Variants in ERN1 observed in about 807,000 individuals in gnomAD.
The protein encoded by ERN1 is endoplasmic reticulum to nucleus signaling 1.
A neutral mutation model predicts 113.1 loss-of-function variants in ERN1; 39 were observed. That is an observed-to-expected ratio of 0.34 (90% CI 0.27 to 0.45). The LOEUF (loss-of-function observed/expected upper bound fraction) is 0.45, where lower values mean the gene tolerates loss of function less well. Ranked by LOEUF, ERN1 falls within the 20% of genes least tolerant of loss-of-function variation. The pLI, the probability that ERN1 is intolerant of heterozygous loss-of-function variation, is 1.00. For missense variants in ERN1, 976 were observed against 1,274.8 expected, an observed-to-expected ratio of 0.77 and a Z score of 3.57; for synonymous variants, 507 against 515.9, an observed-to-expected ratio of 0.98 and a Z score of 0.23.
At chr17:64,082,057 G>T (rs1292114795) in intron 2 of ERN1, among the ~76,000 whole-genome samples, 1 of 152,166 alleles carries the variant, frequency 6.6e-6, no homozygotes, top group Non-Finnish European at 1.5e-5. Flanking sequence ...GACTCTGTAG[G>T]CTCTGCTTAT....
rs761461668 is a variant in ERN1, at chr17:64,057,861, T to C, written c.1339A>G (p.Ile447Val). The part of the protein sequence containing the change: ...VDSMLKDMAT[I>V]ILSTFLLIGW... ...ATCAGCAGGAAGGTGCTCAGGATGATGGTAGCCATGTCCTTAAGCATGGAG... is the reference window on the plus strand; with the variant it reads ...ATCAGCAGGAAGGTGCTCAGGATGACGGTAGCCATGTCCTTAAGCATGGAG... Residue 447 changes from isoleucine (I) to valine (V), a missense_variant, in exon 12 of 22, where the codon ATC becomes GTC. Physicochemically the swap from Ile to Val is conservative, Grantham distance 29 (BLOSUM62 3). Coordinates refer to ENST00000433197, the MANE Select transcript of ERN1 (RefSeq NM_001433.5). 9.9e-6 allele frequency: 16 copies of C among 1,613,756 alleles called. 1 individual carries two copies. The Admixed American group carries it at 1.2e-4, about 12-fold the overall frequency.
chr17:64,051,337 T>C (rs1319968796), intron 17 of ERN1, among the ~76,000 whole-genome samples: 2 of 152,162 alleles, frequency 1.3e-5, no homozygotes, highest in Non-Finnish European at 2.9e-5. Context: ...TGTGCTGAAG[T>C]ATCACCCCAA....
At chr17:64,068,673 TG>T (rs1389238155) in intron 6 of ERN1, among the ~76,000 whole-genome samples, 4 of 152,128 alleles carry the variant, frequency 2.6e-5, no homozygotes, top group African/African-American at 9.7e-5. Flanking sequence ...CTAAAACATG[TG>T]GCATTGACTT....
chr17:64,124,973 T>TG (rs1220904795), intron 1 of ERN1, among the ~76,000 whole-genome samples: 1 of 152,114 alleles, frequency 6.6e-6, no homozygotes, highest in Non-Finnish European at 1.5e-5. Context: ...CTAGGAGGTT[T>TG]GGGGGGAAAC....
intron 4 of ERN1, among the ~76,000 whole-genome samples, chr17:64,076,742 G>T (rs1470435595): frequency 1.3e-5 from 2 of 152,148 alleles, no homozygotes; most frequent in East Asian, 3.9e-4. Context: ...TGGGACTACA[G>T]GCGCCCGCCA....
intron 2 of ERN1, among the ~76,000 whole-genome samples, chr17:64,088,351 T>C (rs796177572): frequency 3.3e-5 from 5 of 152,264 alleles, no homozygotes; most frequent in African/African-American, 1.2e-4. Flanking sequence ...AACTAAGATA[T>C]TACCACACAG....
At chr17:64,053,865 T>C (rs556924580) in intron 15 of ERN1, 1 of 171,134 alleles carries the variant, frequency 5.8e-6, no homozygotes, top group East Asian at 1.7e-4. Flanking sequence ...ACATTTTGAC[T>C]GTGTATGTGG....
chr17:64,045,284 A>T (rs993864111), intron 20 of ERN1, 75 bp downstream of exon 20: 49 of 1,588,404 alleles, frequency 3.1e-5, no homozygotes, highest in Non-Finnish European at 4.2e-5. Context: ...TGGAGCGGCC[A>T]TTTCCACGTT....
intron 2 of ERN1, among the ~76,000 whole-genome samples, chr17:64,083,518 C>A (rs1259188914): frequency 6.6e-6 from 1 of 152,068 alleles, no homozygotes; most frequent in Non-Finnish European, 1.5e-5. Flanking sequence ...AAGCCAATGT[C>A]ACCAAGTTGT....
rs931610786 is a variant in ERN1, at chr17:64,049,573, C to T, written c.2254-371G>A. On this transcript the variant is annotated intron_variant, in intron 17 of 21. Transcript: ENST00000433197. This position sits in a 1 kb window ranked among gnomAD's most constrained non-coding sequence, Gnocchi z 4.7. ...TGTTATATATTCCTTACCCCCAACACGAAAGTGCTCACAGACAGGGTCTCT... is the reference window on the plus strand; with the variant it reads ...TGTTATATATTCCTTACCCCCAACATGAAAGTGCTCACAGACAGGGTCTCT... Among the ~76,000 whole-genome samples the T allele has an allele frequency of 2.0e-5, 3 of 152,320 alleles. No homozygotes were observed. The highest frequency in any genetic ancestry group is 1.9e-4 in the East Asian group (1 of 5,176).
In ERN1 at chr17:64,041,250, G is replaced by A. The variant is rs981819665; in HGVS notation, c.*2738C>T. On this transcript the variant is annotated 3_prime_UTR_variant, in exon 22 of 22. Transcript: ENST00000433197. ...GCCCAAGAGAGGTTTAGTAAGACAA[G>A]ATTTAAATAAGTCATAGTGTCCTTT... 1 of 152,212 alleles carries A rather than the reference G, an allele frequency of 6.6e-6. No individual in the cohort carries two copies. Among genetic ancestry groups the A allele is most frequent in the Non-Finnish European group, 1.5e-5 (1 of 68,052 alleles). 9.4% of individuals were successfully genotyped at this position (152,212 alleles called of 1,614,324 possible). A position where few individuals can be genotyped will look rare whatever the true frequency, so the allele number is the denominator to read the frequency against.
chr17:64,092,098 G>A (rs1305193761), intron 2 of ERN1, among the ~76,000 whole-genome samples: 3 of 152,062 alleles, frequency 2.0e-5, no homozygotes, highest in Admixed American at 6.6e-5. Context: ...GCTAAGGTGC[G>A]GGGGGCATGG....
intron 1 of ERN1, among the ~76,000 whole-genome samples, chr17:64,117,313 C>T (rs1393601730): frequency 1.4e-5 from 2 of 147,922 alleles, no homozygotes; most frequent in Admixed American, 1.4e-4. Context: ...CGTATTGGCA[C>T]ATGGCTGTAA....
At chr17:64,093,366 C>T (rs1243585840) in intron 2 of ERN1, among the ~76,000 whole-genome samples, 1 of 152,164 alleles carries the variant, frequency 6.6e-6, no homozygotes, top group East Asian at 1.9e-4. Flanking sequence ...CCCTGCCTGG[C>T]CTCCCAGTTT....
chr17:64,116,324 T>C (rs1265822083), intron 1 of ERN1, among the ~76,000 whole-genome samples: 1 of 152,210 alleles, frequency 6.6e-6, no homozygotes, highest in African/African-American at 2.4e-5. Flanking sequence ...AAGATCAAGA[T>C]AACTTAGGGT....
intron 1 of ERN1, among the ~76,000 whole-genome samples, chr17:64,105,362 G>C (rs1914496270): frequency 6.6e-6 from 1 of 151,910 alleles, no homozygotes; most frequent in African/African-American, 2.4e-5. Flanking sequence ...TTCCACCTCA[G>C]CCTCCTGAGT....
chr17:64,128,642 G>A (rs1054014666), intron 1 of ERN1: 1 of 152,178 alleles, frequency 6.6e-6, no homozygotes, highest in Non-Finnish European at 1.5e-5. Flanking sequence ...TTTGTGAACA[G>A]ATGCCAGGCA....
At chr17:64,109,281 T>C (rs567362487) in intron 1 of ERN1, among the ~76,000 whole-genome samples, 8 of 152,290 alleles carry the variant, frequency 5.3e-5, no homozygotes, top group South Asian at 2.1e-4. Context: ...CAGGGGACAG[T>C]AGAGGAGTAG....
chr17:64,045,002 G>A (rs1912466469), intron 20 of ERN1, 75 bp from the exon 21 acceptor site: 1 of 1,108,590 alleles, frequency 9.0e-7, no homozygotes. Context: ...CAATTCATGG[G>A]GTCCTGGGAT....
Sources: gnomAD v4.1 joint callset for allele counts (sites outside exome capture counted in the v4.1 genomes callset) on GRCh38, gnomAD v4.1.1 for gene constraint, Gnocchi (gnomAD v3.1) non-coding constraint, MANE v1.5 for transcripts, NCBI Gene and HGNC (gene_info 2026-07-23, HGNC 2026-07-21) for gene names.